XKR4: variants seen among roughly 807,000 people sequenced by gnomAD.
XKR4 encodes XK related 4.
XKR4 carries 12 observed loss-of-function variants against 53.9 expected under a neutral mutation model. That is an observed-to-expected ratio of 0.22 (90% CI 0.14 to 0.36). The LOEUF is 0.36. Ranked by LOEUF, XKR4 falls within the 10% of genes least tolerant of loss-of-function variation. The probability of loss-of-function intolerance (pLI) is 1.00; values close to 1 mark genes in which losing one functional copy is unlikely to be tolerated. For missense variants in XKR4, 799 were observed against 859.5 expected (o/e 0.93, Z 0.88); for synonymous variants, 354 against 362.4 (o/e 0.98, Z 0.26).
At chr8:55,271,456 A>G (rs893784279) in intron 1 of XKR4, among the ~76,000 whole-genome samples, 9 of 152,146 alleles carry the variant, frequency 5.9e-5, no homozygotes, top group Admixed American at 6.6e-5. Context: ...GAGAAGGCAG[A>G]GAAGGAAAAA....
intron 1 of XKR4, among the ~76,000 whole-genome samples, chr8:55,232,017 A>G (rs1033927644): frequency 6.6e-6 from 1 of 152,230 alleles, no homozygotes; most frequent in East Asian, 1.9e-4. Context: ...TATTGACATC[A>G]TATGAAACTG....
chr8:55,107,683 A>G (rs549697720), intron 1 of XKR4, among the ~76,000 whole-genome samples: 1 of 152,292 alleles, frequency 6.6e-6, no homozygotes, highest in Admixed American at 6.5e-5. Flanking sequence ...CAAATGATAA[A>G]GAGGTTCTAG....
rs1183938658 is a variant in XKR4, at chr8:55,351,812, AT to A, written c.807-5862del. Among the ~76,000 whole-genome samples, 9 of 152,072 alleles carry A rather than the reference AT, an allele frequency of 5.9e-5. No homozygotes were observed. The East Asian group carries it at 1.7e-3, about 29-fold the overall frequency. ...TTTTCTCCTGGCCCTACTATCCTTT[AT>A]TTTCCATACAATAACCAACTTTGTT... On this transcript the variant is annotated intron_variant, in intron 1 of 2. Transcript: ENST00000327381.
At chr8:55,388,558 T>C (rs144452120) in intron 2 of XKR4, among the ~76,000 whole-genome samples, 259 of 152,336 alleles carry the variant, frequency 1.7e-3, no homozygotes, top group African/African-American at 5.9e-3. Flanking sequence ...TGCTTTGTCC[T>C]CCTGTGGCAG....
chr8:55,447,817 T>A (rs1444221228), intron 2 of XKR4, among the ~76,000 whole-genome samples: 1 of 152,256 alleles, frequency 6.6e-6, no homozygotes, highest in Admixed American at 6.5e-5. Context: ...TCTTTCTAGC[T>A]GAAGAATTAG....
intron 2 of XKR4, among the ~76,000 whole-genome samples, chr8:55,427,936 C>A (rs922882711): frequency 1.1e-4 from 17 of 152,162 alleles, no homozygotes; most frequent in African/African-American, 4.1e-4. Flanking sequence ...CTCAGGGTCT[C>A]ACGATGAGGC....
At position 55,218,219 on chromosome 8, in the gene XKR4, G is replaced by T. The variant is rs533276907; in HGVS notation, c.806+114925G>T. ...ATGTCTTACAGCTATAAAAGCTGAG[G>T]TTTGAATTCACATCAGTATTATAAA... On this transcript the variant is annotated intron_variant, in intron 1 of 2. Coordinates refer to ENST00000327381, the MANE Select transcript of XKR4 (RefSeq NM_052898.2). Among the ~76,000 whole-genome samples, 24 of 152,306 alleles carry T rather than the reference G, an allele frequency of 1.6e-4. No individual in the cohort carries two copies. In the East Asian group the frequency reaches 4.6e-3, roughly 29 times the overall value.
intron 2 of XKR4, among the ~76,000 whole-genome samples, chr8:55,458,838 G>A (rs1055880411): frequency 6.6e-6 from 1 of 152,124 alleles, no homozygotes; most frequent in Non-Finnish European, 1.5e-5. Context: ...GTTTATATGG[G>A]TGCAGGATGG....
At chr8:55,209,803 G>A (rs1344226498) in intron 1 of XKR4, among the ~76,000 whole-genome samples, 1 of 152,204 alleles carries the variant, frequency 6.6e-6, no homozygotes, top group African/African-American at 2.4e-5. Flanking sequence ...GACCAGAAGA[G>A]GCTTGAGTGC....
chr8:55,515,126 G>A (rs187729807), intron 2 of XKR4, among the ~76,000 whole-genome samples: 105 of 152,204 alleles, frequency 6.9e-4, no homozygotes, highest in Non-Finnish European at 7.6e-4. Context: ...ATTTCAATTC[G>A]TTGTTTTCCT....
intron 1 of XKR4, among the ~76,000 whole-genome samples, chr8:55,124,177 T>C (rs530422029): frequency 6.6e-6 from 1 of 152,326 alleles, no homozygotes; most frequent in South Asian, 2.1e-4. Context: ...GAATGCTGGC[T>C]CAGACTTTCC....
chr8:55,521,833 A>C (rs560944245), intron 2 of XKR4, among the ~76,000 whole-genome samples: 1 of 152,228 alleles, frequency 6.6e-6, no homozygotes, highest in Non-Finnish European at 1.5e-5. Flanking sequence ...CCCTATAAAA[A>C]TATTTTTGAA....
intron 1 of XKR4, among the ~76,000 whole-genome samples, chr8:55,301,718 G>C (rs1231750065): frequency 6.6e-6 from 1 of 152,124 alleles, no homozygotes; most frequent in African/African-American, 2.4e-5. Context: ...TCTCATTGTG[G>C]TTTTGATTTG....
chr8:55,151,181 C>T (rs376236451), intron 1 of XKR4, among the ~76,000 whole-genome samples: 42 of 152,250 alleles, frequency 2.8e-4, no homozygotes, highest in Middle Eastern at 3.4e-3. Flanking sequence ...TAGCAACATA[C>T]GAATATTTAA....
chr8:55,230,826 G>A (rs1367582830), intron 1 of XKR4, among the ~76,000 whole-genome samples: 5 of 152,172 alleles, frequency 3.3e-5, no homozygotes, highest in African/African-American at 1.2e-4. Flanking sequence ...CTTGACTGGT[G>A]ACAACATCTC....
At chr8:55,515,805 G>A (rs141847748) in intron 2 of XKR4, among the ~76,000 whole-genome samples, 37 of 152,322 alleles carry the variant, frequency 2.4e-4, no homozygotes, top group Non-Finnish European at 2.4e-4. Flanking sequence ...CTATTAGGGA[G>A]CAGTTGCCTA....
At chr8:55,317,433 G>A (rs1445618285) in intron 1 of XKR4, among the ~76,000 whole-genome samples, 1 of 152,012 alleles carries the variant, frequency 6.6e-6, no homozygotes, top group Non-Finnish European at 1.5e-5. Context: ...TTGGGGTAAA[G>A]CTTTGATAAA....
chr8:55,413,762 CACTT>C (rs111841300), intron 2 of XKR4, among the ~76,000 whole-genome samples: 2,756 of 152,264 alleles, frequency 0.018, 28 homozygotes, highest in Middle Eastern at 0.037. Flanking sequence ...TCACAGGTCT[CACTT>C]AATCCAATCA....
intron 1 of XKR4, among the ~76,000 whole-genome samples, chr8:55,275,357 A>T (rs1209220534): frequency 6.6e-6 from 1 of 152,360 alleles, no homozygotes; most frequent in East Asian, 1.9e-4. Flanking sequence ...TATAGTTGAA[A>T]CAAAAGGGAA....
Sources: allele counts gnomAD v4.1 joint callset (sites outside exome capture counted in the v4.1 genomes callset), GRCh38; gene constraint gnomAD v4.1.1; transcripts MANE v1.5; gene names NCBI Gene and HGNC (gene_info 2026-07-23, HGNC 2026-07-21).